CTSD: variants seen among roughly 807,000 people sequenced by gnomAD.
CTSD encodes the protein cathepsin D, also known as ceroid-lipofuscinosis, neuronal 10.
A neutral mutation model predicts 43.6 loss-of-function variants in CTSD; 28 were observed. The ratio of observed to expected loss-of-function variants is 0.64; its 90% CI spans 0.48 to 0.88. The LOEUF (loss-of-function observed/expected upper bound fraction) is 0.88. Among genes scored for constraint, CTSD ranks in the 40% least tolerant of loss-of-function variants. CTSD has a pLI of 0.00. For synonymous variants in CTSD, 270 were observed against 249.8 expected (o/e 1.08, Z -0.76); for missense variants, 485 against 555.2 (o/e 0.87, Z 1.27).
chr11:1,761,192 C>T lies in CTSD; in HGVS notation c.228+117G>A, dbSNP rs968374155. 3 of 1,161,182 alleles carry T rather than the reference C, an allele frequency of 2.6e-6. No individual in the cohort carries two copies. The African/African-American group carries it at 4.5e-5, about 18-fold the overall frequency. 71.9% of individuals were successfully genotyped at this position (1,161,182 alleles called of 1,614,324 possible). A position where few individuals can be genotyped will look rare whatever the true frequency, so the allele number is the denominator to read the frequency against. On this transcript the variant is annotated intron_variant, in intron 2 of 8. Transcript: ENST00000236671. ...GGCTGAGCCGGGACGCCACCGTGGC[C>T]AGGTGAGCCACTCAAACTGCGCTGC...
intron 6 of CTSD, among the ~76,000 whole-genome samples, chr11:1,754,623 G>GT: frequency 6.9e-6 from 1 of 144,908 alleles, no homozygotes; most frequent in East Asian, 2.1e-4. Context: ...GGGATGGAGG[G>GT]CATGGAGGGA....
At chr11:1,756,616 A>AC (rs1845812720) in intron 5 of CTSD, among the ~76,000 whole-genome samples, 1 of 151,104 alleles carries the variant, frequency 6.6e-6, no homozygotes, top group Non-Finnish European at 1.5e-5. Flanking sequence ...AAAGCCCCCA[A>AC]CCCCCAGTCA....
chr11:1,761,596 G>C, intron 1 of CTSD, 128 bp from the exon 2 acceptor site: 1 of 1,002,830 alleles, frequency 1.0e-6, no homozygotes, highest in Non-Finnish European at 1.5e-6. Flanking sequence ...CCAAACTCCT[G>C]CCTGTCACCT....
In CTSD at chr11:1,753,121, T is replaced by G; in HGVS notation, c.*382A>C. 6.3e-6 allele frequency: 2 copies of G among 316,812 alleles called. No individual in the cohort carries two copies. The highest frequency in any genetic ancestry group is 1.2e-5 in the Non-Finnish European group (2 of 162,302). 19.6% of individuals were successfully genotyped at this position (316,812 alleles called of 1,614,324 possible). A position where few individuals can be genotyped will look rare whatever the true frequency, so the allele number is the denominator to read the frequency against. On this transcript the variant is annotated 3_prime_UTR_variant, in exon 9 of 9. Transcript: ENST00000236671. ...GGGAGGGCCCGGGAGGACGGCCTGGTGTGGGGTAGGGGCTCAGCCCAGCGG... is the reference window on the plus strand; with the variant it reads ...GGGAGGGCCCGGGAGGACGGCCTGGGGTGGGGTAGGGGCTCAGCCCAGCGG...
Position 1,755,293 on chromosome 11 carries a change from A to C in CTSD, c.705-265T>G, listed in dbSNP as rs1211705305. 2.1e-5 allele frequency: 11 copies of C among 517,524 alleles called. No individual in the cohort carries two copies. The East Asian group carries it at 3.6e-4, about 17-fold the overall frequency. The allele number at this position is 517,524 out of a possible 1,614,324, so 32.1% of individuals were successfully genotyped here. The stretch of plus-strand genomic sequence containing the variant: ...GTTCTCCTGGTCTGCTCAGGAGCCA[A>C]GGTTCAGCCAGACATCAGGGTCAAG... On this transcript the variant is annotated intron_variant, in intron 5 of 8. Transcript: ENST00000236671.
rs777645484 is a variant in CTSD at position 1,759,030 on chromosome 11, G to A, written c.410C>T (p.Ser137Leu). ...GCCCGAGCCATAGTGGATGTCAAACGAGGTACCATTCTTCACGTAGGTGCT... is the reference window on the plus strand; with the variant it reads ...GCCCGAGCCATAGTGGATGTCAAACAAGGTACCATTCTTCACGTAGGTGCT... Reference protein sequence around the residue: ...KSSTYVKNGTSFDIHYGSGSL... With the variant: ...KSSTYVKNGTLFDIHYGSGSL... Residue 137 changes from serine to leucine, a missense_variant, in exon 4 of 9, where the codon TCG becomes TTG. Coordinates refer to ENST00000236671, the MANE Select transcript of CTSD (RefSeq NM_001909.5). 7.7e-5 allele frequency: 124 copies of A among 1,614,124 alleles called. No individual in the cohort carries two copies. The Admixed American group carries it at 1.9e-3, about 25-fold the overall frequency.
intron 5 of CTSD, 110 bp downstream of exon 5, chr11:1,757,214 G>A: frequency 5.3e-6 from 5 of 944,350 alleles, no homozygotes; most frequent in Middle Eastern, 2.2e-4. Flanking sequence ...AGGAGCTCTG[G>A]CACAGCAGCA....
chr11:1,761,403 T>C lies in CTSD; in HGVS notation c.134A>G (p.Asp45Gly). 1 of 1,613,704 alleles carries C rather than the reference T, an allele frequency of 6.2e-7. No homozygotes were observed. The highest frequency in any genetic ancestry group is 8.5e-7 in the Non-Finnish European group (1 of 1,179,986). The change falls in exon 2 of 9, where the codon GAC (aspartate) becomes GGC (glycine). Residue 45 changes from aspartate to glycine, a missense_variant. Physicochemically the swap from Asp to Gly is moderately conservative, Grantham distance 94. Transcript: ENST00000236671. ...TGAGACGGGGCCTTTGGCAATCAGGTCCTCCACAGAGCCCCCAACCTCCGA... is the reference window on the plus strand; with the variant it reads ...TGAGACGGGGCCTTTGGCAATCAGGCCCTCCACAGAGCCCCCAACCTCCGA... ...TMSEVGGSVEDLIAKGPVSKY... is the reference protein window; with the variant it reads ...TMSEVGGSVEGLIAKGPVSKY...
chr11:1,759,782 A>C (rs1445546956), intron 2 of CTSD, 143 bp from the exon 3 acceptor site: 3 of 857,880 alleles, frequency 3.5e-6, no homozygotes, highest in South Asian at 1.8e-5. Flanking sequence ...ACAGCCACCC[A>C]CTCCCACCTG....
At chr11:1,756,997 C>A (rs1177029088) in intron 5 of CTSD, among the ~76,000 whole-genome samples, 1 of 152,220 alleles carries the variant, frequency 6.6e-6, no homozygotes, top group Non-Finnish European at 1.5e-5. Flanking sequence ...GACGGGCCGA[C>A]TGAACCAAGA....
At chr11:1,754,661 G>A (rs1290442728) in intron 6 of CTSD, among the ~76,000 whole-genome samples, 2 of 148,164 alleles carry the variant, frequency 1.3e-5, no homozygotes, top group Admixed American at 6.7e-5. Flanking sequence ...GGGTCATGGA[G>A]AGTCACAGAG....
chr11:1,759,656 T>C lies in CTSD; in HGVS notation c.229-17A>G, dbSNP rs1565022444. The C allele has an allele frequency of 6.2e-7, 1 of 1,608,350 alleles. No homozygotes were observed. The highest frequency in any genetic ancestry group is 1.3e-5 in the African/African-American group (1 of 74,772). On this transcript the variant is annotated splice_polypyrimidine_tract_variant and intron_variant, in intron 2 of 8. Coordinates refer to ENST00000236671, the MANE Select transcript of CTSD (RefSeq NM_001909.5). ...GTACTGGGCCTGGCAGGGGACAGGG[T>C]CCGTCAGGGATGGGAGAGGGGGCCC...
At position 1,759,649 on chromosome 11, in the gene CTSD, G is replaced by T. The variant is rs549803615; in HGVS notation, c.229-10C>A. 6.2e-7 allele frequency: 1 copy of T among 1,610,502 alleles called. No individual in the cohort carries two copies. Among genetic ancestry groups the T allele is most frequent in the Non-Finnish European group, 8.5e-7 (1 of 1,177,946 alleles). ...CCCCGTAGTACTGGGCCTGGCAGGGGACAGGGTCCGTCAGGGATGGGAGAG... is the reference window on the plus strand; with the variant it reads ...CCCCGTAGTACTGGGCCTGGCAGGGTACAGGGTCCGTCAGGGATGGGAGAG... On this transcript the variant is annotated splice_polypyrimidine_tract_variant and intron_variant, in intron 2 of 8. Transcript: ENST00000236671.
intron 1 of CTSD, chr11:1,761,790 A>G: frequency 4.5e-6 from 2 of 447,536 alleles, no homozygotes; most frequent in Non-Finnish European, 8.4e-6. Flanking sequence ...CAAAGCCCCC[A>G]AGGGTCTCCC....
At chr11:1,762,471 C>T (rs560976447) in intron 1 of CTSD, 4 of 152,374 alleles carry the variant, frequency 2.6e-5, no homozygotes, top group South Asian at 2.1e-4. Context: ...TTCCCTGCCC[C>T]AGGGACTTGA....
At chr11:1,762,008 C>T in intron 1 of CTSD, 1 of 195,266 alleles carries the variant, frequency 5.1e-6, no homozygotes, top group Admixed American at 5.3e-5. Context: ...GCCTGGCCTC[C>T]TCTGGCCATC....
intron 1 of CTSD, chr11:1,762,170 T>G (rs767266533): frequency 5.8e-5 from 9 of 156,512 alleles, no homozygotes; most frequent in Non-Finnish European, 1.1e-4. Flanking sequence ...GGTCCAGGAC[T>G]GCACCTGGGG....
intron 2 of CTSD, chr11:1,760,553 ATG>A (rs555114532): frequency 1.3e-5 from 2 of 152,258 alleles, no homozygotes; most frequent in South Asian, 2.0e-4. Context: ...GCAAATTTCC[ATG>A]TGTGTGTGTG....
rs1307108340 is a variant in CTSD, at chr11:1,761,322, T to C, written c.215A>G (p.Lys72Arg). ...CCTCATACTCACGTCCATGTAGTTCTTGAGCACCTCGGGAATGGGCCCCTC... is the reference window on the plus strand; with the variant it reads ...CCTCATACTCACGTCCATGTAGTTCCTGAGCACCTCGGGAATGGGCCCCTC... ...VTEGPIPEVLKNYMDAQYYGE... is the reference protein window; with the variant it reads ...VTEGPIPEVLRNYMDAQYYGE... Residue 72 changes from lysine (K) to arginine (R), a missense_variant, in exon 2 of 9, where the codon AAG becomes AGG. Transcript: ENST00000236671. 1.8e-5 allele frequency: 29 copies of C among 1,613,714 alleles called. No homozygotes were observed. The highest frequency in any genetic ancestry group is 1.7e-5 in the Admixed American group (1 of 60,006).
Sources: allele counts gnomAD v4.1 joint callset (sites outside exome capture counted in the v4.1 genomes callset), GRCh38; gene constraint gnomAD v4.1.1; transcripts MANE v1.5; gene names NCBI Gene and HGNC (gene_info 2026-07-23, HGNC 2026-07-21).